QPRT: variants seen among roughly 807,000 people sequenced by gnomAD.
QPRT encodes quinolinate phosphoribosyltransferase.
Under a neutral mutation model 19.8 loss-of-function variants are expected in QPRT, and 17 were observed. The ratio of observed to expected loss-of-function variants is 0.86; its 90% CI spans 0.59 to 1.29. The LOEUF (loss-of-function observed/expected upper bound fraction) is 1.29. Among genes scored for constraint, QPRT ranks in the 50% most tolerant of loss-of-function variants. The pLI is 0.00. For missense variants in QPRT, 336 were observed against 405.1 expected (o/e 0.83, Z 1.46); for synonymous variants, 178 against 191.0 (o/e 0.93, Z 0.56).
chr16:29,692,776 A>T (rs1439064180), intron 1 of QPRT, among the ~76,000 whole-genome samples: 1 of 150,320 alleles, frequency 6.7e-6, no homozygotes. Context: ...TAAATAAATC[A>T]GGTTAGGCCG....
intron 1 of QPRT, among the ~76,000 whole-genome samples, chr16:29,680,111 C>T (rs961129909): frequency 1.3e-5 from 2 of 151,966 alleles, no homozygotes; most frequent in Admixed American, 6.6e-5. Context: ...GCGCCCGCCG[C>T]CACGCCTGGC....
chr16:29,695,596 TCTC>T (rs550936665), intron 2 of QPRT, among the ~76,000 whole-genome samples: 61 of 150,256 alleles, frequency 4.1e-4, no homozygotes, highest in African/African-American at 1.4e-3. Flanking sequence ...TTCAAGCAAT[TCTC>T]CTGCCTCCGC....
At chr16:29,680,466 T>C (rs1307440191) in intron 1 of QPRT, among the ~76,000 whole-genome samples, 3 of 152,072 alleles carry the variant, frequency 2.0e-5, no homozygotes. Flanking sequence ...TGGTGTTCCA[T>C]AGGTGTCCTA....
intron 1 of QPRT, among the ~76,000 whole-genome samples, chr16:29,690,557 A>G (rs1967296634): frequency 6.6e-6 from 1 of 151,592 alleles, no homozygotes; most frequent in Non-Finnish European, 1.5e-5. Context: ...GGCAATGCTG[A>G]TTTGCTCTGT....
chr16:29,696,891 C>G, intron 2 of QPRT, 105 bp from the exon 3 acceptor site: 1 of 1,351,472 alleles, frequency 7.4e-7, no homozygotes, highest in East Asian at 2.6e-5. Flanking sequence ...CGCGCCCCAG[C>G]TGCAGTGCTG....
upstream of QPRT, chr16:29,679,133 C>A (rs537784342): frequency 1.1e-4 from 181 of 1,613,748 alleles, 2 homozygotes; most frequent in South Asian, 1.8e-3. Flanking sequence ...CACCCCCAGC[C>A]TGGGGCCTCT....
At chr16:29,689,557 T>G (rs1967264113) in intron 1 of QPRT, among the ~76,000 whole-genome samples, 2 of 152,266 alleles carry the variant, frequency 1.3e-5, no homozygotes, top group East Asian at 3.9e-4. Context: ...CCCTCTCATA[T>G]TGTTTCATAC....
chr16:29,680,274 C>T (rs897320817), intron 1 of QPRT, among the ~76,000 whole-genome samples: 2 of 152,032 alleles, frequency 1.3e-5, no homozygotes, highest in African/African-American at 2.4e-5. Context: ...TAATCTTTAA[C>T]TTATTGGGCT....
At chr16:29,689,911 C>T (rs776682571) in intron 1 of QPRT, among the ~76,000 whole-genome samples, 4 of 152,048 alleles carry the variant, frequency 2.6e-5, no homozygotes, top group African/African-American at 7.2e-5. Context: ...CTGAAGAGCT[C>T]GGATTTTAAG....
intron 1 of QPRT, among the ~76,000 whole-genome samples, chr16:29,683,368 T>TC (rs1567327733): frequency 1.1e-4 from 17 of 151,766 alleles, no homozygotes; most frequent in Admixed American, 2.6e-4. Flanking sequence ...TTTTTTTTTT[T>TC]TCCCTGAGGC....
At position 29,697,586 on chromosome 16, in the gene QPRT, G is replaced by A. The variant is rs1165394285; in HGVS notation, c.*175G>A. The A allele has an allele frequency of 1.6e-5, 10 of 644,702 alleles. No homozygotes were observed. In the East Asian group the frequency reaches 2.8e-4, roughly 18 times the overall value. The allele number at this position is 644,702 out of a possible 1,614,324, so 39.9% of individuals were successfully genotyped here. A position where few individuals can be genotyped will look rare whatever the true frequency, so the allele number is the denominator to read the frequency against. ...ACCTGTCAGGGCTGACTTCACCTCT[G>A]CTCATCTCAGTTTCCTAATCTGTAA... On this transcript the variant is annotated 3_prime_UTR_variant, in exon 4 of 4. Coordinates refer to ENST00000395384, the MANE Select transcript of QPRT (RefSeq NM_014298.6). This position sits in a 1 kb window ranked among gnomAD's most constrained non-coding sequence, Gnocchi z 4.4.
In QPRT at chr16:29,681,493, C is replaced by CTTTTTTTTTT. The variant is rs10680462; in HGVS notation, c.13+2295_13+2304dup. On this transcript the variant is annotated intron_variant, in intron 1 of 3. Transcript: ENST00000395384. ...CCATAATTTTCATCAGATCCAGATT[C>CTTTTTTTTTT]TTTTTTTTTTTTTTTTTTTTTGAGA... Among the ~76,000 whole-genome samples the CTTTTTTTTTT allele has an allele frequency of 1.5e-4, 15 of 97,128 alleles. 1 individual carries two copies. The highest frequency in any genetic ancestry group is 3.2e-4 in the East Asian group (1 of 3,090). 63.7% of individuals were successfully genotyped at this position (97,128 alleles called of 152,430 possible).
intron 1 of QPRT, among the ~76,000 whole-genome samples, chr16:29,691,625 T>C (rs998903760): frequency 6.6e-6 from 1 of 152,158 alleles, no homozygotes. Flanking sequence ...CAGTTGAGGC[T>C]GCAGTGAGCC....
At chr16:29,683,185 T>C (rs1033825167) in intron 1 of QPRT, among the ~76,000 whole-genome samples, 1 of 151,616 alleles carries the variant, frequency 6.6e-6, no homozygotes, top group African/African-American at 2.4e-5. Context: ...CCACCACACA[T>C]GGATAAATTT....
intron 1 of QPRT, among the ~76,000 whole-genome samples, chr16:29,684,636 C>T (rs976341068): frequency 2.6e-4 from 40 of 152,240 alleles, no homozygotes; most frequent in Non-Finnish European, 1.9e-4. Context: ...CGTGAGCCAC[C>T]GCGCCTGGCC....
At chr16:29,680,501 C>T (rs1344005532) in intron 1 of QPRT, among the ~76,000 whole-genome samples, 3 of 152,244 alleles carry the variant, frequency 2.0e-5, no homozygotes, top group South Asian at 2.1e-4. Flanking sequence ...ACTAAACTGG[C>T]GCCCCGTAAA....
chr16:29,682,958 T>C (rs183155019), intron 1 of QPRT, among the ~76,000 whole-genome samples: 4 of 152,036 alleles, frequency 2.6e-5, no homozygotes, highest in Admixed American at 1.3e-4. Context: ...CTCACTATAT[T>C]GCACAGGCTG....
intron 1 of QPRT, among the ~76,000 whole-genome samples, chr16:29,685,701 T>G (rs1296053774): frequency 6.6e-6 from 1 of 151,838 alleles, no homozygotes; most frequent in African/African-American, 2.4e-5. Flanking sequence ...CACTCCCTCT[T>G]TTAAAATTCT....
At chr16:29,687,871 A>G (rs915345985) in intron 1 of QPRT, among the ~76,000 whole-genome samples, 3 of 151,654 alleles carry the variant, frequency 2.0e-5, no homozygotes, top group African/African-American at 7.3e-5. Flanking sequence ...TGGAGCAGCT[A>G]CTCAGGAGGC....
Sources: gnomAD v4.1 joint callset for allele counts (sites outside exome capture counted in the v4.1 genomes callset) on GRCh38, gnomAD v4.1.1 for gene constraint, Gnocchi (gnomAD v3.1) non-coding constraint, MANE v1.5 for transcripts, NCBI Gene and HGNC (gene_info 2026-07-23, HGNC 2026-07-21) for gene names.